The following FGD5 variants were observed in gnomAD, a reference collection of about 807,000 sequenced individuals.
The protein encoded by FGD5 is FYVE, RhoGEF and PH domain-containing protein 5.
Under a neutral mutation model 133.4 loss-of-function variants are expected in FGD5, and 28 were observed. The observed-to-expected ratio is 0.21, with a 90% CI of 0.16 to 0.29. The LOEUF (loss-of-function observed/expected upper bound fraction) is 0.29, where lower values mean the gene tolerates loss of function less well. Among genes scored for constraint, FGD5 ranks in the 10% least tolerant of loss-of-function variants. The pLI is 1.00. For synonymous variants in FGD5, 810 were observed against 776.5 expected (o/e 1.04, Z -0.72); for missense variants, 1,858 against 1,895.2 (o/e 0.98, Z 0.36).
chr3:14,881,026 G>C (rs1341582834), intron 4 of FGD5, among the ~76,000 whole-genome samples: 1 of 152,208 alleles, frequency 6.6e-6, no homozygotes, highest in African/African-American at 2.4e-5. Flanking sequence ...CAGGTTGTTT[G>C]AGGTTTCCTT....
intron 18 of FGD5, among the ~76,000 whole-genome samples, chr3:14,928,954 T>C (rs546109446): frequency 1.1e-4 from 16 of 152,334 alleles, no homozygotes; most frequent in Admixed American, 7.2e-4. Flanking sequence ...TTATATATAA[T>C]GAAGTGCACA....
chr3:14,858,406 A>G (rs28688933), intron 1 of FGD5, among the ~76,000 whole-genome samples: 1,579 of 141,744 alleles, frequency 0.011, 29 homozygotes, highest in African/African-American at 0.037. Flanking sequence ...TAGATAGATG[A>G]ATAGATAGAT....
chr3:14,929,099 A>G (rs906770805), intron 18 of FGD5, among the ~76,000 whole-genome samples: 4 of 152,198 alleles, frequency 2.6e-5, no homozygotes, highest in Non-Finnish European at 4.4e-5. Flanking sequence ...TTGATCCTCA[A>G]ACAGATGGAA....
chr3:14,814,251 A>G (rs1225846821), upstream of FGD5, among the ~76,000 whole-genome samples: 1 of 152,180 alleles, frequency 6.6e-6, no homozygotes, highest in Admixed American at 6.5e-5. Context: ...AGGAAACCAC[A>G]GCTCTGATTT....
chr3:14,918,515 G>A (rs578124128), intron 12 of FGD5, among the ~76,000 whole-genome samples: 43 of 152,228 alleles, frequency 2.8e-4, no homozygotes, highest in Non-Finnish European at 5.3e-4. Context: ...GGGGTTGCCC[G>A]GGCTGGGCCC....
In FGD5 at chr3:14,921,984, C is replaced by G; in HGVS notation, c.3636C>G (p.Ala1212=). The change falls in exon 14 of 20, where the codon GCC becomes GCG. Residue 1212 remains alanine (A), a synonymous_variant. Transcript: ENST00000285046. The part of the protein sequence containing the change: ...LSRALPEDYK[A]QALAAFHHSV... ...GAGCCCTCCCTGAGGACTACAAGGCCCAGGCGCTGGCTGCATTCCACCATA... is the reference window on the plus strand; with the variant it reads ...GAGCCCTCCCTGAGGACTACAAGGCGCAGGCGCTGGCTGCATTCCACCATA... The G allele has an allele frequency of 6.4e-7, 1 of 1,568,186 alleles. No homozygotes were observed. Among genetic ancestry groups the G allele is most frequent in the Non-Finnish European group, 8.6e-7 (1 of 1,156,512 alleles).
upstream of FGD5, among the ~76,000 whole-genome samples, chr3:14,814,957 G>T (rs1162236677): frequency 1.3e-5 from 2 of 152,076 alleles, no homozygotes; most frequent in Non-Finnish European, 2.9e-5. Flanking sequence ...CCTTCCTGTT[G>T]AGAATCTGAC....
rs1314693557 is a variant in FGD5, at chr3:14,821,606, A to G, written c.2525+10A>G. The G allele has an allele frequency of 3.8e-6, 6 of 1,565,182 alleles. No individual in the cohort carries two copies. Among genetic ancestry groups the G allele is most frequent in the South Asian group, 2.4e-5 (2 of 84,450 alleles). ...ACCAGGACGCAGAAAGGTACCTGAC[A>G]TTCTATTTCCTTTCTTGTTCGGCAG... On this transcript the variant is annotated intron_variant, in intron 1 of 19. Transcript: ENST00000285046.
Position 14,898,088 on chromosome 3 carries a change from A to G in FGD5, c.3059A>G (p.Glu1020Gly). The G allele has an allele frequency of 3.7e-6, 6 of 1,613,852 alleles. No homozygotes were observed. Among genetic ancestry groups the G allele is most frequent in the Non-Finnish European group, 5.1e-6 (6 of 1,179,870 alleles). The change falls in exon 6 of 20, where the codon GAA becomes GGA. Residue 1020 changes from glutamate to glycine, a missense_variant. Physicochemically the swap from Glu to Gly is moderately conservative, Grantham distance 98. This residue lies in a region of FGD5 where 1,824 missense variants were observed against 1,848.9 expected (regional missense o/e 0.99). Transcript: ENST00000285046. Reference sequence around the variant, plus strand: ...CCCCGGCTGGCAGCTGCTGTCCGTGAATTTGAGGTGGGTCCCTTGGTCCTC... The same window carrying G: ...CCCCGGCTGGCAGCTGCTGTCCGTGGATTTGAGGTGGGTCCCTTGGTCCTC... ...HSPRLAAAVR[E>G]FEQSVQGGSQ...
At chr3:14,906,061 C>G (rs1237251991) in intron 9 of FGD5, among the ~76,000 whole-genome samples, 1 of 152,150 alleles carries the variant, frequency 6.6e-6, no homozygotes, top group East Asian at 1.9e-4. Context: ...ATGCTTCTCC[C>G]GTGGGTGCTG....
At chr3:14,862,096 C>T (rs1199674791) in intron 1 of FGD5, among the ~76,000 whole-genome samples, 1 of 152,158 alleles carries the variant, frequency 6.6e-6, no homozygotes, top group Non-Finnish European at 1.5e-5. Context: ...GCCTGACGCT[C>T]ACATAGTGGC....
chr3:14,891,807 A>G (rs1266835319), intron 4 of FGD5, among the ~76,000 whole-genome samples: 5 of 152,228 alleles, frequency 3.3e-5, no homozygotes, highest in Non-Finnish European at 5.9e-5. Flanking sequence ...TTGGAGGCAC[A>G]GTGCGAGGGG....
chr3:14,898,120 C>A, intron 6 of FGD5, 25 bp downstream of exon 6: 1 of 1,613,482 alleles, frequency 6.2e-7, no homozygotes. Flanking sequence ...CCTCTGAGAC[C>A]CTGCTGTAAG....
At chr3:14,910,987 A>G in intron 11 of FGD5, 58 bp downstream of exon 11, 1 of 1,527,296 alleles carries the variant, frequency 6.5e-7, no homozygotes. Flanking sequence ...GAGGTTTTCT[A>G]GGGCCATTAT....
chr3:14,842,303 C>G (rs2036939107), intron 1 of FGD5, among the ~76,000 whole-genome samples: 1 of 152,202 alleles, frequency 6.6e-6, no homozygotes, highest in Non-Finnish European at 1.5e-5. Context: ...CCTCCCAGAT[C>G]ACCAGGGCCT....
intron 1 of FGD5, among the ~76,000 whole-genome samples, chr3:14,830,063 C>G (rs1166216636): frequency 6.6e-6 from 1 of 152,138 alleles, no homozygotes; most frequent in Non-Finnish European, 1.5e-5. Context: ...CTGAGAGCCG[C>G]GTGGCTGGAT....
intron 1 of FGD5, among the ~76,000 whole-genome samples, chr3:14,835,635 T>G (rs1421729275): frequency 6.6e-6 from 1 of 152,228 alleles, no homozygotes; most frequent in African/African-American, 2.4e-5. Flanking sequence ...TTTCTCCCAG[T>G]AAGCACCCTT....
At chr3:14,810,711 T>C, upstream of FGD5, 1 of 751,592 alleles carries the variant, frequency 1.3e-6, no homozygotes, top group South Asian at 6.0e-5. Context: ...CCGCGCGGAG[T>C]CCGAGGCGCG....
At position 14,819,404 on chromosome 3, in the gene FGD5, G is replaced by C. The variant is rs747175652; in HGVS notation, c.333G>C (p.Leu111=). Residue 111 remains leucine (L), a synonymous_variant, in exon 1 of 20, where the codon CTG becomes CTC. Transcript: ENST00000285046. The surrounding 1 kb of genome is among the most constrained non-coding windows in gnomAD (Gnocchi z 4.1). ...EREEGGEACG[L]EGTGAGEDSV... ...AAGAGGGAGGCGAGGCATGTGGCCT[G>C]GAGGGTACAGGAGCTGGTGAGGATT... 1 of 1,549,744 alleles carries C rather than the reference G, an allele frequency of 6.5e-7. No individual in the cohort carries two copies. The highest frequency in any genetic ancestry group is 8.7e-7 in the Non-Finnish European group (1 of 1,146,270).
Sources: gnomAD v4.1 joint callset for allele counts (sites outside exome capture counted in the v4.1 genomes callset) on GRCh38, gnomAD v4.1.1 for gene constraint, gnomAD v4.1.1 regional missense constraint, Gnocchi (gnomAD v3.1) non-coding constraint, MANE v1.5 for transcripts, NCBI Gene and HGNC (gene_info 2026-07-23, HGNC 2026-07-21) for gene names.